SCN7A: variants seen among roughly 807,000 people sequenced by gnomAD.
SCN7A encodes the protein sodium channel protein type 7 subunit alpha.
Under a neutral mutation model 155.2 loss-of-function variants are expected in SCN7A, and 138 were observed. The ratio of observed to expected loss-of-function variants is 0.89; its 90% confidence interval spans 0.77 to 1.02. SCN7A has a LOEUF of 1.02. SCN7A is among the 50% of genes least tolerant of loss of function. The probability of loss-of-function intolerance (pLI) is 0.00; values close to 1 mark genes in which losing one functional copy is unlikely to be tolerated. For synonymous variants in SCN7A, 693 were observed against 649.0 expected, an observed-to-expected ratio of 1.07 and a Z score of -1.03; for missense variants, 2,058 against 1,986.6, an observed-to-expected ratio of 1.04 and a Z score of -0.68.
At position 166,432,312 on chromosome 2, in the gene SCN7A, T is replaced by A. The variant is rs200727873; in HGVS notation, c.2592+6A>T. 6.3e-7 allele frequency: 1 copy of A among 1,592,752 alleles called. No individual in the cohort carries two copies. The highest frequency in any genetic ancestry group is 1.1e-5 in the South Asian group (1 of 87,286). ...ACTAAGCAATCAGGATATTTAAACA[T>A]CTTACCTCTTTGCTGCCTCCATCAC... On this transcript the variant is annotated splice_donor_region_variant and intron_variant, in intron 16 of 25. Transcript: ENST00000643258.
chr2:166,442,623 T>C (rs1701984932), intron 14 of SCN7A, among the ~76,000 whole-genome samples: 1 of 152,072 alleles, frequency 6.6e-6, no homozygotes, highest in Non-Finnish European at 1.5e-5. Context: ...CTGGCCTCAC[T>C]TCTTGACTTT....
intron 10 of SCN7A, among the ~76,000 whole-genome samples, chr2:166,461,572 C>T (rs1019132261): frequency 1.3e-5 from 2 of 152,042 alleles, no homozygotes; most frequent in African/African-American, 4.8e-5. Context: ...AGAAACAGGA[C>T]ACTGTATATA....
At chr2:166,433,602 C>T (rs945039596) in intron 15 of SCN7A, among the ~76,000 whole-genome samples, 3 of 152,104 alleles carry the variant, frequency 2.0e-5, no homozygotes, top group African/African-American at 7.2e-5. Flanking sequence ...TATTCCAAAG[C>T]TTATTTTCTC....
At chr2:166,460,738 A>G (rs548771609) in intron 10 of SCN7A, among the ~76,000 whole-genome samples, 56 of 152,332 alleles carry the variant, frequency 3.7e-4, no homozygotes, top group African/African-American at 1.3e-3. Flanking sequence ...TCATTTAGGA[A>G]GCAGCAAATC....
chr2:166,437,633 T>G (rs1456374279), intron 15 of SCN7A, among the ~76,000 whole-genome samples: 1 of 152,144 alleles, frequency 6.6e-6, no homozygotes, highest in Admixed American at 6.5e-5. Context: ...TGAAGGCAGC[T>G]GGGATCGGGG....
At chr2:166,432,111 C>G (rs755245740) in intron 16 of SCN7A, among the ~76,000 whole-genome samples, 1 of 151,966 alleles carries the variant, frequency 6.6e-6, no homozygotes, top group Non-Finnish European at 1.5e-5. Flanking sequence ...CCATTTTAGC[C>G]TCATTTAAAT....
chr2:166,453,968 C>T (rs1189241359), intron 11 of SCN7A, among the ~76,000 whole-genome samples: 2 of 152,044 alleles, frequency 1.3e-5, no homozygotes, highest in African/African-American at 4.8e-5. Context: ...TTCTAGGAAT[C>T]TTCCAGGAAA....
intron 7 of SCN7A, among the ~76,000 whole-genome samples, chr2:166,469,726 C>T (rs1171009651): frequency 3.3e-5 from 5 of 151,840 alleles, no homozygotes; most frequent in Admixed American, 3.3e-4. Flanking sequence ...GGAGCTAGAG[C>T]TGTGAAAATT....
In SCN7A at chr2:166,450,180, G is replaced by C. The variant is rs79447127; in HGVS notation, c.1291-2472C>G. Among the ~76,000 whole-genome samples the C allele has an allele frequency of 5.2e-3, 786 of 152,256 alleles. 45 individuals are homozygous for C. In the East Asian group the frequency reaches 0.12, roughly 22 times the overall value. ...AGCTTGATGAACATGGACGCAGCTG[G>C]AGTCCATTATCCTAAGCCAGTTAAT... On this transcript the variant is annotated intron_variant, in intron 11 of 25. Coordinates refer to ENST00000643258, the MANE Select transcript of SCN7A (RefSeq NM_002976.4).
intron 7 of SCN7A, among the ~76,000 whole-genome samples, chr2:166,468,820 T>C (rs762659061): frequency 1.3e-5 from 2 of 151,812 alleles, no homozygotes; most frequent in Non-Finnish European, 2.9e-5. Flanking sequence ...CTTCCCTGCC[T>C]ACACTTTCCC....
intron 15 of SCN7A, among the ~76,000 whole-genome samples, chr2:166,435,153 A>G (rs966565751): frequency 2.0e-5 from 3 of 152,106 alleles, no homozygotes; most frequent in African/African-American, 7.2e-5. Flanking sequence ...GTAGTATAAG[A>G]TAAGAATTTT....
Position 166,432,504 on chromosome 2 carries a change from TTGGG to T in SCN7A, c.2402_2405del (p.Thr801LysfsTer44). On this transcript the variant is annotated frameshift_variant, in exon 16 of 26. Coordinates refer to ENST00000643258, the MANE Select transcript of SCN7A (RefSeq NM_002976.4). LOFTEE classifies it high-confidence loss of function. ...TTTTTTCCTTATCTTTGAGAAAATC[TTGGG>T]TGTTGCTCAATTCAGAAAGGGTATG... 6.2e-7 allele frequency: 1 copy of T among 1,613,734 alleles called. No individual in the cohort carries two copies. The highest frequency in any genetic ancestry group is 8.5e-7 in the Non-Finnish European group (1 of 1,179,698).
At chr2:166,414,200 TTA>T (rs1347693398) in intron 21 of SCN7A, among the ~76,000 whole-genome samples, 18 of 94,978 alleles carry the variant, frequency 1.9e-4, no homozygotes, top group African/African-American at 4.8e-4. Context: ...ATATAATATA[TTA>T]TATATATGTA....
chr2:166,474,866 T>C (rs1702744929), intron 3 of SCN7A, among the ~76,000 whole-genome samples: 1 of 151,458 alleles, frequency 6.6e-6, no homozygotes, highest in East Asian at 1.9e-4. Context: ...AACATACATA[T>C]ATCTAAACCA....
In SCN7A at chr2:166,423,243, T is replaced by C. The variant is rs1701548593; in HGVS notation, c.3027+16A>G. On this transcript the variant is annotated intron_variant, in intron 19 of 25. Transcript: ENST00000643258. The stretch of plus-strand genomic sequence containing the variant: ...AAGTAAATCAAATAGCCTTTCATTT[T>C]CTTTAAAATACGTACAATAACAACC... The C allele has an allele frequency of 6.3e-7, 1 of 1,592,572 alleles. No homozygotes were observed.
chr2:166,443,596 C>T lies in SCN7A; in HGVS notation c.1707G>A (p.Trp569Ter). 1 of 1,581,682 alleles carries T rather than the reference C, an allele frequency of 6.3e-7. No individual in the cohort carries two copies. The highest frequency in any genetic ancestry group is 8.6e-7 in the Non-Finnish European group (1 of 1,162,832). The change falls in exon 14 of 26, where the codon TGG becomes TGA. Residue 569 changes from tryptophan to a stop codon, truncating the protein, a stop_gained. Transcript: ENST00000643258. LOFTEE classifies it high-confidence loss of function. Reference sequence around the variant, plus strand: ...ACACTATCATGCTATCAAAAATGTTCCAACCTACTTGGAAATACCCATATG... The same window carrying T: ...ACACTATCATGCTATCAAAAATGTTTCAACCTACTTGGAAATACCCATATG... ...MHPYGYFQVG[W>*]NIFDSMIVFH...
At position 166,404,306 on chromosome 2, in the gene SCN7A, A is replaced by G. The variant is rs1311932019; in HGVS notation, c.*1274T>C. On this transcript the variant is annotated 3_prime_UTR_variant, in exon 26 of 26. Transcript: ENST00000643258. ...AGGACAACTATTTATGCCTATCTTT[A>G]AAAAACAATTTCAATAGTGAAAACT... 2 of 151,988 alleles carry G rather than the reference A, an allele frequency of 1.3e-5. No homozygotes were observed. The highest frequency in any genetic ancestry group is 3.9e-4 in the East Asian group (2 of 5,174). The allele number at this position is 151,988 out of a possible 1,614,324, so 9.4% of individuals were successfully genotyped here. A position where few individuals can be genotyped will look rare whatever the true frequency, so the allele number is the denominator to read the frequency against.
In SCN7A at chr2:166,432,438, T is replaced by C; in HGVS notation, c.2472A>G (p.Gln824=). The C allele has an allele frequency of 1.2e-6, 2 of 1,613,632 alleles. No homozygotes were observed. Among genetic ancestry groups the C allele is most frequent in the Middle Eastern group, 3.3e-4 (2 of 6,060 alleles). ...TEKNATENES[Q]SLIPSPSVSE... is the part of the protein sequence containing the mutation. ...AGACACTAGGACTGGGGATAAGTGA[T>C]TGGCTCTCATTTTCAGTAGCGTTTT... is the stretch of plus-strand genomic sequence containing the variant. Residue 824 remains glutamine (Q), a synonymous_variant, in exon 16 of 26, where the codon CAA becomes CAG. Transcript: ENST00000643258.
At position 166,412,542 on chromosome 2, in the gene SCN7A, C is replaced by T. The variant is rs1701224042; in HGVS notation, c.3594G>A (p.Lys1198=). 6.8e-7 allele frequency: 1 copy of T among 1,473,598 alleles called. No individual in the cohort carries two copies. The highest frequency in any genetic ancestry group is 2.6e-5 in the East Asian group (1 of 37,968). The allele number at this position is 1,473,598 out of a possible 1,614,324, so 91.3% of individuals were successfully genotyped here. Residue 1198 remains lysine (K), a synonymous_variant, in exon 23 of 26, where the codon AAG becomes AAA. Transcript: ENST00000643258. ...TATTTATACTTATCTTTATTTTATG[C>T]TTGTTGAAATTATCAATAATAACAG... ...LITVIIDNFN[K]HKIKLGGSNI...
Sources: allele counts gnomAD v4.1 joint callset (sites outside exome capture counted in the v4.1 genomes callset), GRCh38; gene constraint gnomAD v4.1.1; transcripts MANE v1.5; gene names NCBI Gene and HGNC (gene_info 2026-07-23, HGNC 2026-07-21).